The following ALDH1L1 variants were observed in gnomAD, a reference collection of about 807,000 sequenced individuals.
ALDH1L1 encodes aldehyde dehydrogenase 1 family member L1.
ALDH1L1 carries 68 observed loss-of-function variants against 101.1 expected under a neutral mutation model. The ratio of observed to expected loss-of-function variants is 0.67; its 90% confidence interval spans 0.55 to 0.82. The LOEUF (loss-of-function observed/expected upper bound fraction) is 0.82, where lower values mean the gene tolerates loss of function less well. ALDH1L1 is among the 40% of genes least tolerant of loss of function. ALDH1L1 has a pLI of 0.00. For missense variants in ALDH1L1, 1,087 were observed against 1,172.7 expected, an observed-to-expected ratio of 0.93 and a Z score of 1.07; for synonymous variants, 486 against 470.8, an observed-to-expected ratio of 1.03 and a Z score of -0.42.
intron 14 of ALDH1L1, 169 bp downstream of exon 14, chr3:126,130,054 A>G: frequency 3.6e-6 from 2 of 554,768 alleles, no homozygotes; most frequent in Non-Finnish European, 5.9e-6. Context: ...AATTGTCCTC[A>G]AGTCCTTACA....
rs141656827 is a variant in ALDH1L1 at position 126,105,912 on chromosome 3, C to A, written c.2467G>T (p.Val823Leu). The A allele has an allele frequency of 1.2e-5, 20 of 1,613,028 alleles. No homozygotes were observed. The highest frequency in any genetic ancestry group is 1.7e-5 in the Admixed American group (1 of 59,998). Residue 823 changes from valine to leucine, a missense_variant, in exon 22 of 23, where the codon GTG becomes TTG. Val to Leu is a conservative substitution (Grantham distance 32). Transcript: ENST00000393434. ...SRFADGDLDA[V>L]LSRANATEFG... ...TCCGTGGCATTGGCCCGAGACAGCA[C>A]GGCATCCAAGTCCCTGGAGAGAAAG...
At chr3:126,181,847 A>T (rs1343591165), upstream of ALDH1L1, among the ~76,000 whole-genome samples, 2 of 152,234 alleles carry the variant, frequency 1.3e-5, no homozygotes, top group Non-Finnish European at 2.9e-5. Flanking sequence ...CCCAGGATTG[A>T]GGTGGCCTGT....
chr3:126,116,682 C>T (rs972781006), intron 17 of ALDH1L1, among the ~76,000 whole-genome samples: 2 of 152,214 alleles, frequency 1.3e-5, no homozygotes, highest in Non-Finnish European at 2.9e-5. Context: ...GTGCCAAAAC[C>T]CACCCCCAGA....
At chr3:126,141,828 C>A (rs2080574485) in intron 9 of ALDH1L1, among the ~76,000 whole-genome samples, 1 of 151,494 alleles carries the variant, frequency 6.6e-6, no homozygotes, top group African/African-American at 2.4e-5. Context: ...CCAAAACTAG[C>A]AGAAGGAAGT....
At position 126,144,827 on chromosome 3, in the gene ALDH1L1, A is replaced by G. The variant is rs142009736; in HGVS notation, c.1076+2008T>C. On this transcript the variant is annotated intron_variant, in intron 9 of 22. Coordinates refer to ENST00000393434, the MANE Select transcript of ALDH1L1 (RefSeq NM_012190.4). ...TATCACACCAAAAGAACTGGAAACA[A>G]AAGCAAAAATATACAAGTCATATGC... Among the ~76,000 whole-genome samples the G allele has an allele frequency of 2.7e-3, 414 of 152,360 alleles. 1 individual carries two copies. Among genetic ancestry groups the G allele is most frequent in the African/African-American group, 9.5e-3 (394 of 41,582 alleles).
chr3:126,140,951 G>T (rs1051825308), intron 9 of ALDH1L1, among the ~76,000 whole-genome samples: 1 of 151,934 alleles, frequency 6.6e-6, no homozygotes, highest in Non-Finnish European at 1.5e-5. Flanking sequence ...AAATGTAAAT[G>T]GATTAAACTC....
At chr3:126,121,269 G>A (rs1440450784) in intron 16 of ALDH1L1, among the ~76,000 whole-genome samples, 2 of 152,204 alleles carry the variant, frequency 1.3e-5, no homozygotes, top group Non-Finnish European at 2.9e-5. Flanking sequence ...GAGCTGCGCG[G>A]CGCTGCCTTG....
intron 14 of ALDH1L1, among the ~76,000 whole-genome samples, chr3:126,126,572 G>A (rs954389349): frequency 8.0e-6 from 1 of 124,948 alleles, no homozygotes; most frequent in Non-Finnish European, 1.9e-5. Flanking sequence ...CTGAGATAGG[G>A]GAGCTGCCCC....
At chr3:126,165,806 T>C (rs2081156390) in intron 1 of ALDH1L1, among the ~76,000 whole-genome samples, 2 of 152,240 alleles carry the variant, frequency 1.3e-5, no homozygotes, top group Non-Finnish European at 2.9e-5. Context: ...TATTTGGATC[T>C]TCTCTTTTTG....
chr3:126,126,655 C>T (rs1364315084), intron 14 of ALDH1L1, among the ~76,000 whole-genome samples: 1 of 152,084 alleles, frequency 6.6e-6, no homozygotes, highest in African/African-American at 2.4e-5. Flanking sequence ...CAGGTGAAGC[C>T]GTCGGTTACA....
chr3:126,173,404 G>A (rs2081317187), intron 1 of ALDH1L1, among the ~76,000 whole-genome samples: 1 of 152,072 alleles, frequency 6.6e-6, no homozygotes, highest in African/African-American at 2.4e-5. Flanking sequence ...AGATTTAAGT[G>A]TATATTGCAA....
chr3:126,172,382 T>C (rs2081294762), intron 1 of ALDH1L1, among the ~76,000 whole-genome samples: 1 of 151,698 alleles, frequency 6.6e-6, no homozygotes, highest in Non-Finnish European at 1.5e-5. Flanking sequence ...AGATGGAAAT[T>C]AAGAAAAAAA....
At chr3:126,183,099 G>A (rs371747533), upstream of ALDH1L1, among the ~76,000 whole-genome samples, 16 of 152,352 alleles carry the variant, frequency 1.1e-4, no homozygotes, top group Admixed American at 7.2e-4. Context: ...AGCCAAGAGT[G>A]TGGTCATGAG....
At chr3:126,145,664 T>G in intron 9 of ALDH1L1, among the ~76,000 whole-genome samples, 1 of 152,198 alleles carries the variant, frequency 6.6e-6, no homozygotes, top group Middle Eastern at 3.2e-3. Context: ...TGGCTGTTGC[T>G]GGGGCTAGGG....
At chr3:126,144,126 A>G (rs1158112745) in intron 9 of ALDH1L1, among the ~76,000 whole-genome samples, 1 of 152,238 alleles carries the variant, frequency 6.6e-6, no homozygotes, top group Admixed American at 6.5e-5. Flanking sequence ...AATGGCATCA[A>G]AAGAATAAAA....
intron 3 of ALDH1L1, among the ~76,000 whole-genome samples, 154 bp downstream of exon 3, chr3:126,158,251 G>A (rs1016128863): frequency 2.0e-5 from 3 of 152,170 alleles, no homozygotes; most frequent in Non-Finnish European, 4.4e-5. Flanking sequence ...TGCACAGCCT[G>A]TTCTGTGGCT....
intron 20 of ALDH1L1, among the ~76,000 whole-genome samples, 186 bp from the exon 21 acceptor site, chr3:126,107,432 A>G (rs918581682): frequency 1.3e-5 from 2 of 152,158 alleles, no homozygotes; most frequent in African/African-American, 4.8e-5. Flanking sequence ...TTGTTCTTTG[A>G]TGTGGGTCTC....
rs142689862 is a variant in ALDH1L1 at position 126,188,271 on chromosome 3, C to T, written c.-24+9464G>A. Among the ~76,000 whole-genome samples the T allele has an allele frequency of 7.1e-4, 108 of 152,312 alleles. 2 individuals carry two copies. The East Asian group carries it at 0.017, about 24-fold the overall frequency. On this transcript the variant is annotated intron_variant, in intron 1 of 2. Transcript: ENST00000509952. ...CAGTTTCTGCATCTACAACCAAATA[C>T]AAATCAAAAATACAGCATTTGTGGA...
chr3:126,186,436 A>C (rs768006213), upstream of ALDH1L1, among the ~76,000 whole-genome samples: 10 of 152,194 alleles, frequency 6.6e-5, no homozygotes, highest in Non-Finnish European at 7.3e-5. Context: ...GTTGGGGAGC[A>C]CAGGATGGTG....
Sources: allele counts gnomAD v4.1 joint callset (sites outside exome capture counted in the v4.1 genomes callset), GRCh38; gene constraint gnomAD v4.1.1; transcripts MANE v1.5; gene names NCBI Gene and HGNC (gene_info 2026-07-23, HGNC 2026-07-21).